Variants in AHNAK2 observed in about 807,000 individuals in gnomAD.
The protein encoded by AHNAK2 is AHNAK nucleoprotein 2, also known as protein AHNAK2.
A neutral mutation model predicts 30.7 loss-of-function variants in AHNAK2; 18 were observed. That is an observed-to-expected ratio of 0.59 (90% CI 0.41 to 0.87). The LOEUF (loss-of-function observed/expected upper bound fraction) is 0.87, where lower values mean the gene tolerates loss of function less well. AHNAK2 is among the 40% of genes least tolerant of loss of function. The probability of loss-of-function intolerance (pLI) is 0.00; values close to 1 mark genes in which losing one functional copy is unlikely to be tolerated. For synonymous variants in AHNAK2, 3,590 were observed against 3,073.8 expected (o/e 1.17, Z -5.56); for missense variants, 8,604 against 7,373.0 (o/e 1.17, Z -6.11).
rs775625886 is a variant in AHNAK2 at position 104,942,763 on chromosome 14, C to A, written c.12688G>T (p.Ala4230Ser). 6.2e-7 allele frequency: 1 copy of A among 1,612,932 alleles called. No homozygotes were observed. The highest frequency in any genetic ancestry group is 8.5e-7 in the Non-Finnish European group (1 of 1,179,586). Residue 4230 changes from alanine (A) to serine (S), a missense_variant, in exon 7 of 7, where the codon GCC (alanine) becomes TCC (serine). Ala to Ser is a moderately conservative substitution (Grantham distance 99). Transcript: ENST00000333244. Reference sequence around the variant, plus strand: ...ACATCCACCTGGGGGCCCTTGAGGGCCACTTTGGGCATCTTCAAACAGGGC... The same window carrying A: ...ACATCCACCTGGGGGCCCTTGAGGGACACTTTGGGCATCTTCAAACAGGGC... ...QMPCLKMPKV[A>S]LKGPQVDVKG... is the part of the protein sequence containing the mutation.
Position 104,937,827 on chromosome 14 carries a change from A to T in AHNAK2, c.*236T>A, listed in dbSNP as rs1566893575. On this transcript the variant is annotated 3_prime_UTR_variant, in exon 7 of 7. Coordinates refer to ENST00000333244, the MANE Select transcript of AHNAK2 (RefSeq NM_138420.4). ...CCGTGTGAATTCTGGTGTCTTGTGG[A>T]AGTCAGGGTGCCTTCTTTGCATCCA... 3 of 489,450 alleles carry T rather than the reference A, an allele frequency of 6.1e-6. No individual in the cohort carries two copies. Among genetic ancestry groups the T allele is most frequent in the East Asian group, 6.4e-5 (2 of 31,442 alleles). 30.3% of individuals were successfully genotyped at this position (489,450 alleles called of 1,614,324 possible). A position where few individuals can be genotyped will look rare whatever the true frequency, so the allele number is the denominator to read the frequency against.
At position 104,943,261 on chromosome 14, in the gene AHNAK2, C is replaced by T. The variant is rs774765000; in HGVS notation, c.12190G>A (p.Val4064Met). 2.5e-6 allele frequency: 4 copies of T among 1,612,844 alleles called. No individual in the cohort carries two copies. The highest frequency in any genetic ancestry group is 3.4e-6 in the Non-Finnish European group (4 of 1,179,524). ...TCTATCTGGGGGCCCTTGAGGTCCA[C>T]TTTGGGCATCTTGAAACTGGGCATC... ...VQMPSFKMPK[V>M]DLKGPQIDVK... Residue 4064 changes from valine (V) to methionine (M), a missense_variant, in exon 7 of 7, where the codon GTG becomes ATG. Physicochemically the swap from Val to Met is conservative, Grantham distance 21. Transcript: ENST00000333244.
chr14:104,966,700 C>G lies in AHNAK2; in HGVS notation c.56-9028G>C, dbSNP rs1023685575. On this transcript the variant is annotated intron_variant, in intron 1 of 6. Coordinates refer to ENST00000333244, the MANE Select transcript of AHNAK2 (RefSeq NM_138420.4). The surrounding 1 kb of genome is among the most constrained non-coding windows in gnomAD (Gnocchi z 4.3). ...GCACCCCACAACCCTGAGGGACCACCAGCTGGGGCCACCCCAGCCCCTCTG... is the reference window on the plus strand; with the variant it reads ...GCACCCCACAACCCTGAGGGACCACGAGCTGGGGCCACCCCAGCCCCTCTG... Among the ~76,000 whole-genome samples the G allele has an allele frequency of 6.6e-6, 1 of 152,192 alleles. No individual in the cohort carries two copies. The highest frequency in any genetic ancestry group is 2.4e-5 in the African/African-American group (1 of 41,448).
chr14:104,968,132 C>G (rs755586658), intron 1 of AHNAK2, among the ~76,000 whole-genome samples: 1 of 152,250 alleles, frequency 6.6e-6, no homozygotes, highest in Non-Finnish European at 1.5e-5. Context: ...GCCCTTCCCC[C>G]ACTCCCCGGG....
chr14:104,962,663 T>G (rs1035266966), intron 1 of AHNAK2, among the ~76,000 whole-genome samples: 2 of 152,154 alleles, frequency 1.3e-5, no homozygotes, highest in Non-Finnish European at 2.9e-5. Context: ...CTTGAACTCC[T>G]GGCCTCAAGT....
At position 104,944,711 on chromosome 14, in the gene AHNAK2, G is replaced by T. The variant is rs368443113; in HGVS notation, c.10740C>A (p.Gly3580=). ...DLKGPQIDVK[G]PKLDLKGPKA... ...TGGGGCCTTTCAGGTCCAGCTTGGGGCCCTTAACATCTATCTGGGGGCCCT... is the reference window on the plus strand; with the variant it reads ...TGGGGCCTTTCAGGTCCAGCTTGGGTCCCTTAACATCTATCTGGGGGCCCT... The change falls in exon 7 of 7, where the codon GGC becomes GGA. Residue 3580 remains glycine (G), a synonymous_variant. Coordinates refer to ENST00000333244, the MANE Select transcript of AHNAK2 (RefSeq NM_138420.4). 1 of 1,612,590 alleles carries T rather than the reference G, an allele frequency of 6.2e-7. No homozygotes were observed. The highest frequency in any genetic ancestry group is 8.5e-7 in the Non-Finnish European group (1 of 1,179,506).
rs771924757 is a variant in AHNAK2 at position 104,948,701 on chromosome 14, G to T, written c.6750C>A (p.Asp2250Glu). The T allele has an allele frequency of 1.2e-6, 2 of 1,608,468 alleles. No homozygotes were observed. Among genetic ancestry groups the T allele is most frequent in the Non-Finnish European group, 1.7e-6 (2 of 1,178,378 alleles). ...TGATGTCTATTTCGGGGCCCTTGAG[G>T]TCCACTTTGGGCACCTTGAAACTGG... is the stretch of plus-strand genomic sequence containing the variant. ...QMPSFKVPKV[D>E]LKGPEIDIKG... Residue 2250 changes from aspartate to glutamate, a missense_variant, in exon 7 of 7, where the codon GAC becomes GAA. By Grantham distance (45) the Asp-to-Glu change is conservative. Coordinates refer to ENST00000333244, the MANE Select transcript of AHNAK2 (RefSeq NM_138420.4).
At chr14:104,967,398 C>T (rs938636907) in intron 1 of AHNAK2, among the ~76,000 whole-genome samples, 8 of 152,208 alleles carry the variant, frequency 5.3e-5, no homozygotes, top group African/African-American at 1.9e-4. Context: ...TGGGCACAGC[C>T]GGCTGCACTC....
rs137934113 is a variant in AHNAK2 at position 104,952,602 on chromosome 14, G to C, written c.2849C>G (p.Ala950Gly). 1 of 1,612,536 alleles carries C rather than the reference G, an allele frequency of 6.2e-7. No homozygotes were observed. The highest frequency in any genetic ancestry group is 2.2e-5 in the East Asian group (1 of 44,746). The change falls in exon 7 of 7, where the codon GCG becomes GGG. Residue 950 changes from alanine (A) to glycine (G), a missense_variant. Physicochemically the swap from Ala to Gly is moderately conservative, Grantham distance 60. Coordinates refer to ENST00000333244, the MANE Select transcript of AHNAK2 (RefSeq NM_138420.4). Reference sequence around the variant, plus strand: ...CTCGCCATCGGGGGCTGTCACTTCCGCCTTGGGGCCTTTCAGGTCCAGCTT... The same window carrying C: ...CTCGCCATCGGGGGCTGTCACTTCCCCCTTGGGGCCTTTCAGGTCCAGCTT... ...GPKLDLKGPK[A>G]EVTAPDGEVS...
Position 104,952,602 on chromosome 14 carries a change from G to T in AHNAK2, c.2849C>A (p.Ala950Glu). 1 of 1,612,536 alleles carries T rather than the reference G, an allele frequency of 6.2e-7. No individual in the cohort carries two copies. The highest frequency in any genetic ancestry group is 1.1e-5 in the South Asian group (1 of 91,024). The change falls in exon 7 of 7, where the codon GCG (alanine) becomes GAG (glutamate). Residue 950 changes from alanine to glutamate, a missense_variant. By Grantham distance (107) the Ala-to-Glu change is moderately radical. Coordinates refer to ENST00000333244, the MANE Select transcript of AHNAK2 (RefSeq NM_138420.4). ...CTCGCCATCGGGGGCTGTCACTTCCGCCTTGGGGCCTTTCAGGTCCAGCTT... is the reference window on the plus strand; with the variant it reads ...CTCGCCATCGGGGGCTGTCACTTCCTCCTTGGGGCCTTTCAGGTCCAGCTT... ...GPKLDLKGPK[A>E]EVTAPDGEVS... is the part of the protein sequence containing the mutation.
rs1398657836 is a variant in AHNAK2, at chr14:104,940,027, G to C, written c.15424C>G (p.Pro5142Ala). The C allele has an allele frequency of 3.1e-6, 5 of 1,611,028 alleles. No homozygotes were observed. The highest frequency in any genetic ancestry group is 4.2e-6 in the Non-Finnish European group (5 of 1,178,332). The change falls in exon 7 of 7, where the codon CCA becomes GCA. Residue 5142 changes from proline (P) to alanine (A), a missense_variant. Coordinates refer to ENST00000333244, the MANE Select transcript of AHNAK2 (RefSeq NM_138420.4). This position sits in a 1 kb window ranked among gnomAD's most constrained non-coding sequence, Gnocchi z 4.4. ...DSRGCGLGDV[P>A]VSQPCGEGIA... ...CCCTCCCCACAAGGCTGGCTCACTG[G>C]GACATCCCCGAGCCCACATCCTCTG...
rs371934577 is a variant in AHNAK2 at position 104,945,698 on chromosome 14, G to C, written c.9753C>G (p.Pro3251=). The C allele has an allele frequency of 4.2e-4, 676 of 1,600,910 alleles. 2 individuals carry two copies. The African/African-American group carries it at 8.3e-3, about 20-fold the overall frequency. Residue 3251 remains proline, a synonymous_variant, in exon 7 of 7, where the codon CCC becomes CCG. Coordinates refer to ENST00000333244, the MANE Select transcript of AHNAK2 (RefSeq NM_138420.4). ...RKGPQIDIKG[P]KLDLKGPKMD... is the part of the protein sequence containing the mutation. Reference sequence around the variant, plus strand: ...TCTTCGGGCCTTTCAGGTCCAGCTTGGGGCCCTTGATGTCTATCTGGGGGC... The same window carrying C: ...TCTTCGGGCCTTTCAGGTCCAGCTTCGGGCCCTTGATGTCTATCTGGGGGC...
At chr14:104,965,724 T>C (rs1899284859) in intron 1 of AHNAK2, among the ~76,000 whole-genome samples, 2 of 152,216 alleles carry the variant, frequency 1.3e-5, no homozygotes, top group Admixed American at 6.5e-5. Flanking sequence ...AGCTGCTCCC[T>C]GTCCCCTGCG....
chr14:104,964,464 C>A (rs1899245087), intron 1 of AHNAK2, among the ~76,000 whole-genome samples: 1 of 152,090 alleles, frequency 6.6e-6, no homozygotes, highest in Admixed American at 6.5e-5. Flanking sequence ...TAGCCAGGGG[C>A]AGAGCCAAGA....
intron 1 of AHNAK2, among the ~76,000 whole-genome samples, chr14:104,973,544 C>A (rs1487424860): frequency 6.6e-6 from 1 of 152,200 alleles, no homozygotes; most frequent in African/African-American, 2.4e-5. Context: ...GGCGCCATCA[C>A]CTGACAGCCC....
rs776448875 is a variant in AHNAK2 at position 104,945,139 on chromosome 14, T to A, written c.10312A>T (p.Ser3438Cys). The part of the protein sequence containing the change: ...TVPDVEVSLP[S>C]VEVDVQAPRA... The stretch of plus-strand genomic sequence containing the variant: ...GGGGCCTGGACGTCCACCTCCACGC[T>A]GGGCAGAGACACCTCCACATCAGGG... Residue 3438 changes from serine to cysteine, a missense_variant, in exon 7 of 7, where the codon AGC (serine) becomes TGC (cysteine). Physicochemically the swap from Ser to Cys is moderately radical, Grantham distance 112. Coordinates refer to ENST00000333244, the MANE Select transcript of AHNAK2 (RefSeq NM_138420.4). 4 of 1,612,878 alleles carry A rather than the reference T, an allele frequency of 2.5e-6. No individual in the cohort carries two copies. The highest frequency in any genetic ancestry group is 2.5e-6 in the Non-Finnish European group (3 of 1,179,628).
rs1414478550 is a variant in AHNAK2, at chr14:104,942,342, G to A, written c.13109C>T (p.Pro4370Leu). 6.2e-7 allele frequency: 1 copy of A among 1,612,910 alleles called. No individual in the cohort carries two copies. The highest frequency in any genetic ancestry group is 1.7e-5 in the Admixed American group (1 of 59,952). Residue 4370 changes from proline (P) to leucine (L), a missense_variant, in exon 7 of 7, where the codon CCT becomes CTT. Transcript: ENST00000333244. ...GQEDVKLPEG[P>L]VHEGAGLKGH... ...TTTGAGGCCGGCTCCCTCATGCACA[G>A]GGCCCTCTGGGAGTTTCACATCCTC...
At position 104,953,844 on chromosome 14, in the gene AHNAK2, C is replaced by T. The variant is rs1251693940; in HGVS notation, c.1607G>A (p.Gly536Glu). Residue 536 changes from glycine to glutamate, a missense_variant, in exon 7 of 7, where the codon GGG becomes GAG. Physicochemically the swap from Gly to Glu is moderately conservative, Grantham distance 98. Coordinates refer to ENST00000333244, the MANE Select transcript of AHNAK2 (RefSeq NM_138420.4). ...GGTTGGTTCCCTGCCCGGCATCCAC[C>T]CGGCTCCTTCCACCTCCTCACCCTT... ...GLKGEEVEGA[G>E]WMPGREPTTH... 2 of 1,613,844 alleles carry T rather than the reference C, an allele frequency of 1.2e-6. No individual in the cohort carries two copies. Among genetic ancestry groups the T allele is most frequent in the African/African-American group, 1.3e-5 (1 of 74,912 alleles).
Position 104,954,536 on chromosome 14 carries a change from C to T in AHNAK2, c.915G>A (p.Thr305=), listed in dbSNP as rs562871885. Reference sequence around the variant, plus strand: ...CTGCCTTCTGCTCTTGGCGCTCCACCGTGAGCTGGGCCTCTGTGTCTGTGC... The same window carrying T: ...CTGCCTTCTGCTCTTGGCGCTCCACTGTGAGCTGGGCCTCTGTGTCTGTGC... ...PTSTDTEAQL[T]VERQEQKAGP... is the part of the protein sequence containing the mutation. Residue 305 remains threonine, a synonymous_variant, in exon 7 of 7, where the codon ACG becomes ACA. Coordinates refer to ENST00000333244, the MANE Select transcript of AHNAK2 (RefSeq NM_138420.4). The surrounding 1 kb of genome is among the most constrained non-coding windows in gnomAD (Gnocchi z 4.3). The T allele has an allele frequency of 6.8e-6, 11 of 1,610,360 alleles. No homozygotes were observed. The highest frequency in any genetic ancestry group is 2.7e-5 in the African/African-American group (2 of 74,890).
Sources: gnomAD v4.1 joint callset for allele counts (sites outside exome capture counted in the v4.1 genomes callset) on GRCh38, gnomAD v4.1.1 for gene constraint, Gnocchi (gnomAD v3.1) non-coding constraint, MANE v1.5 for transcripts, NCBI Gene and HGNC (gene_info 2026-07-23, HGNC 2026-07-21) for gene names.